The following GANC variants were observed in gnomAD, a reference collection of about 807,000 sequenced individuals.
The protein encoded by GANC is neutral alpha-glucosidase C.
In GANC, 117 loss-of-function variants were observed where a neutral mutation model predicts 124.2. The observed-to-expected ratio is 0.94, with a 90% confidence interval of 0.81 to 1.10. GANC has a LOEUF of 1.10. Ranked by LOEUF, GANC falls within the 50% of genes least tolerant of loss-of-function variation. GANC has a pLI of 0.00. For missense variants in GANC, 1,140 were observed against 1,095.0 expected (o/e 1.04, Z -0.58); for synonymous variants, 377 against 376.8 (o/e 1.00, Z -0.01).
At chr15:42,289,788 C>G (rs1033705244) in intron 4 of GANC, among the ~76,000 whole-genome samples, 1 of 152,132 alleles carries the variant, frequency 6.6e-6, no homozygotes, top group African/African-American at 2.4e-5. Context: ...TCTAGTACCT[C>G]AGAATGTGAC....
chr15:42,308,356 T>C (rs762178466), intron 8 of GANC, 38 bp downstream of exon 8: 1 of 1,358,978 alleles, frequency 7.4e-7, no homozygotes, highest in Non-Finnish European at 1.1e-6. Flanking sequence ...AGTCTCTGGT[T>C]TTTGTATTGA....
At chr15:42,283,913 G>A in intron 3 of GANC, 4 of 702,624 alleles carry the variant, frequency 5.7e-6, no homozygotes, top group Non-Finnish European at 1.0e-5. Flanking sequence ...GCGTGAGGTT[G>A]CCAGTATTCT....
At chr15:42,342,993 T>C in intron 18 of GANC, 85 bp from the exon 19 acceptor site, 1 of 1,126,088 alleles carries the variant, frequency 8.9e-7, no homozygotes, top group Non-Finnish European at 1.3e-6. Flanking sequence ...TGTAACACCA[T>C]GATAGCTAGC....
chr15:42,342,140 C>A (rs980611677), intron 18 of GANC, among the ~76,000 whole-genome samples: 3 of 152,184 alleles, frequency 2.0e-5, no homozygotes, highest in African/African-American at 7.2e-5. Flanking sequence ...TTATTGGCCA[C>A]TATATCCCCA....
intron 21 of GANC, 91 bp downstream of exon 21, chr15:42,348,307 C>A: frequency 1.4e-6 from 1 of 713,350 alleles, no homozygotes; most frequent in Non-Finnish European, 2.3e-6. Context: ...AAGTGGTGAG[C>A]TCCTGACATT....
rs1286401701 is a variant in GANC, at chr15:42,340,639, T to C, written c.2088-51T>C. On this transcript the variant is annotated intron_variant, in intron 17 of 23. Coordinates refer to ENST00000318010, the MANE Select transcript of GANC (RefSeq NM_198141.3). ...AAAACTAAAAATATAAGTGATTGAT[T>C]GCAATAAGATGTCTATAATGTTAAA... 4 of 1,324,044 alleles carry C rather than the reference T, an allele frequency of 3.0e-6. No homozygotes were observed. The African/African-American group carries it at 6.0e-5, about 20-fold the overall frequency. The allele number at this position is 1,324,044 out of a possible 1,614,324, so 82.0% of individuals were successfully genotyped here.
intron 6 of GANC, among the ~76,000 whole-genome samples, chr15:42,299,983 A>C (rs939642177): frequency 5.3e-5 from 8 of 152,232 alleles, no homozygotes; most frequent in Non-Finnish European, 1.0e-4. Flanking sequence ...TTAAAGACTT[A>C]AATGTAAAAC....
chr15:42,312,294 AT>A (rs1417043402), intron 10 of GANC, among the ~76,000 whole-genome samples: 2 of 152,232 alleles, frequency 1.3e-5, no homozygotes, highest in Non-Finnish European at 2.9e-5. Context: ...CTCATCATGA[AT>A]TCCCCTGTTG....
chr15:42,278,217 C>G, intron 2 of GANC: 1 of 247,096 alleles, frequency 4.0e-6, no homozygotes, highest in Non-Finnish European at 8.2e-6. Context: ...GAAAATTGCC[C>G]CACCATCTCA....
rs1049869898 is a variant in GANC, at chr15:42,295,120, A to G, written c.512+2203A>G. ...CCGAGTAGCTGGGACTACAGCGCCC[A>G]CCACCATGCCCGGCTAATTTTGTTT... is the stretch of plus-strand genomic sequence containing the variant. On this transcript the variant is annotated intron_variant, in intron 5 of 23. Transcript: ENST00000318010. 2.6e-5 allele frequency among the ~76,000 whole-genome samples: 4 copies of G among 151,456 alleles called. No individual in the cohort carries two copies. The South Asian group carries it at 8.4e-4, about 32-fold the overall frequency.
intron 8 of GANC, 88 bp from the exon 9 acceptor site, chr15:42,310,195 G>T (rs1206924100): frequency 1.0e-6 from 1 of 1,002,610 alleles, no homozygotes; most frequent in African/African-American, 1.6e-5. Flanking sequence ...TGGGACCTAA[G>T]TGTTTAGAGA....
At position 42,339,787 on chromosome 15, in the gene GANC, G is replaced by A. The variant is rs2052315483; in HGVS notation, c.1962G>A (p.Glu654=). The change falls in exon 17 of 24, where the codon GAG becomes GAA. Residue 654 remains glutamate (E), a synonymous_variant. Coordinates refer to ENST00000318010, the MANE Select transcript of GANC (RefSeq NM_198141.3). ...GHATMNTKRR[E]PWLFGEEHTR... ...CCACCATGAACACCAAGCGACGAGA[G>A]CCCTGGCTCTTTGGGGAGGAACACA... 6.2e-7 allele frequency: 1 copy of A among 1,614,154 alleles called. No homozygotes were observed. Among genetic ancestry groups the A allele is most frequent in the Non-Finnish European group, 8.5e-7 (1 of 1,180,016 alleles).
At chr15:42,326,526 C>T in intron 12 of GANC, 102 bp downstream of exon 12, 2 of 1,546,010 alleles carry the variant, frequency 1.3e-6, no homozygotes, top group African/African-American at 1.4e-5. Context: ...TCTCTTGCTC[C>T]TCTAGCTACA....
chr15:42,316,382 A>G (rs540285232), intron 10 of GANC, among the ~76,000 whole-genome samples: 1 of 152,240 alleles, frequency 6.6e-6, no homozygotes, highest in South Asian at 2.1e-4. Context: ...ATACAAGACA[A>G]GGGGGGCAGG....
intron 19 of GANC, chr15:42,344,650 A>G (rs1329990717): frequency 1.3e-5 from 2 of 152,314 alleles, no homozygotes; most frequent in South Asian, 2.1e-4. Context: ...TTCATGAACT[A>G]TGGTCTATTC....
chr15:42,303,369 A>C (rs2051964601), intron 6 of GANC, among the ~76,000 whole-genome samples: 1 of 152,194 alleles, frequency 6.6e-6, no homozygotes, highest in Non-Finnish European at 1.5e-5. Flanking sequence ...TAAATATGGA[A>C]AGGAAAAATC....
chr15:42,327,353 G>A lies in GANC; in HGVS notation c.1421-10G>A. ...TTCTTGACAGGCTATCTACTGTTCT[G>A]CCTCCACAGGTCTCTCCTCTTACCT... On this transcript the variant is annotated splice_polypyrimidine_tract_variant and intron_variant, in intron 12 of 23. Transcript: ENST00000318010. The A allele has an allele frequency of 6.2e-7, 1 of 1,606,464 alleles. No homozygotes were observed. Among genetic ancestry groups the A allele is most frequent in the Admixed American group, 1.7e-5 (1 of 59,604 alleles).
At chr15:42,303,705 T>C (rs1213618603) in intron 6 of GANC, among the ~76,000 whole-genome samples, 2 of 145,072 alleles carry the variant, frequency 1.4e-5, no homozygotes, top group East Asian at 3.9e-4. Context: ...GGTTGAAATC[T>C]TAGTCTCTGA....
Position 42,273,235 on chromosome 15 carries a change from T to A in GANC, c.-1247T>A. On this transcript the variant is annotated 5_prime_UTR_variant, in exon 1 of 24. Coordinates refer to ENST00000318010, the MANE Select transcript of GANC (RefSeq NM_198141.3). ...CCCCTTGCTCCTCTAGGTTCAGACG[T>A]TAGTGAAGTGAATACTCACCGACGG... 6.2e-7 allele frequency: 1 copy of A among 1,613,796 alleles called. No homozygotes were observed. Among genetic ancestry groups the A allele is most frequent in the African/African-American group, 1.3e-5 (1 of 74,976 alleles).
Sources: allele counts gnomAD v4.1 joint callset (sites outside exome capture counted in the v4.1 genomes callset), GRCh38; gene constraint gnomAD v4.1.1; transcripts MANE v1.5; gene names NCBI Gene and HGNC (gene_info 2026-07-23, HGNC 2026-07-21).